The following CKAP2L variants were observed in gnomAD, a reference collection of about 807,000 sequenced individuals.
The protein encoded by CKAP2L is cytoskeleton associated protein 2L.
CKAP2L carries 42 observed loss-of-function variants against 65.7 expected under a neutral mutation model. The ratio of observed to expected loss-of-function variants is 0.64; its 90% CI spans 0.50 to 0.83. CKAP2L has a LOEUF of 0.83. Among genes scored for constraint, CKAP2L ranks in the 40% least tolerant of loss-of-function variants. The pLI, the probability that CKAP2L is intolerant of heterozygous loss-of-function variation, is 0.00. For missense variants in CKAP2L, 908 were observed against 871.0 expected (o/e 1.04, Z -0.53); for synonymous variants, 325 against 313.5 (o/e 1.04, Z -0.39).
chr2:112,753,589 A>T (rs560477118), intron 4 of CKAP2L, among the ~76,000 whole-genome samples: 4 of 132,658 alleles, frequency 3.0e-5, no homozygotes, highest in Admixed American at 2.7e-4. Context: ...GTGAAGTGGC[A>T]TGATCTCAGG....
Position 112,738,807 on chromosome 2 carries a change from A to G in CKAP2L, c.*16T>C. ...GTTGGTTCTGAAACACCTTTTTTAA[A>G]AAAAGCATCAAGAAATTATGATTCA... is the stretch of plus-strand genomic sequence containing the variant. On this transcript the variant is annotated 3_prime_UTR_variant, in exon 9 of 9. Coordinates refer to ENST00000302450, the MANE Select transcript of CKAP2L (RefSeq NM_152515.5). 6.5e-7 allele frequency: 1 copy of G among 1,540,352 alleles called. No homozygotes were observed. The highest frequency in any genetic ancestry group is 1.1e-5 in the South Asian group (1 of 88,930).
intron 3 of CKAP2L, among the ~76,000 whole-genome samples, 171 bp from the exon 4 acceptor site, chr2:112,757,385 G>GTTTTTTTTTT (rs11311328): frequency 4.6e-5 from 4 of 87,424 alleles, no homozygotes; most frequent in East Asian, 3.0e-4. Context: ...TAGTTTTTGT[G>GTTTTTTTTTT]TTTTTTTTTT....
At chr2:112,751,078 G>A (rs1244224828) in intron 5 of CKAP2L, among the ~76,000 whole-genome samples, 1 of 152,090 alleles carries the variant, frequency 6.6e-6, no homozygotes, top group East Asian at 1.9e-4. Context: ...CAAATTGAGA[G>A]GATATATACA....
chr2:112,764,189 C>G (rs1187299651), intron 1 of CKAP2L: 7 of 292,324 alleles, frequency 2.4e-5, no homozygotes, highest in Middle Eastern at 1.1e-3. Context: ...CAGAGGACCA[C>G]GCCCGGCTCT....
chr2:112,744,019 C>T (rs182454255), intron 6 of CKAP2L, among the ~76,000 whole-genome samples: 117 of 152,180 alleles, frequency 7.7e-4, no homozygotes, highest in African/African-American at 2.7e-3. Flanking sequence ...CAAAGCTTTC[C>T]GTACATTTTT....
intron 5 of CKAP2L, among the ~76,000 whole-genome samples, chr2:112,747,171 A>G (rs1363074257): frequency 6.6e-6 from 1 of 150,934 alleles, no homozygotes; most frequent in Non-Finnish European, 1.5e-5. Context: ...ACTCGCTGCA[A>G]CCTCTACCTC....
At position 112,738,609 on chromosome 2, in the gene CKAP2L, A is replaced by G. The variant is rs6756392; in HGVS notation, c.*214T>C. On this transcript the variant is annotated 3_prime_UTR_variant, in exon 9 of 9. Transcript: ENST00000302450. ...ATTCAAAAGTTTGAAATTTATGTAT[A>G]CTGTAAAACTGGCAAACTGGTCTTA... The G allele has an allele frequency of 5.2e-3, 2,921 of 562,534 alleles. 66 individuals are homozygous for G. The highest frequency in any genetic ancestry group is 0.05 in the African/African-American group (2,660 of 53,378). The allele number at this position is 562,534 out of a possible 1,614,324, so 34.8% of individuals were successfully genotyped here.
intron 8 of CKAP2L, 23 bp from the exon 9 acceptor site, chr2:112,739,071 T>C (rs745617877): frequency 1.3e-6 from 2 of 1,521,690 alleles, no homozygotes; most frequent in South Asian, 1.2e-5. Flanking sequence ...AAGAGATGCA[T>C]TAAAAACCTT....
chr2:112,749,281 A>T (rs1170011505), intron 5 of CKAP2L, among the ~76,000 whole-genome samples: 3 of 152,252 alleles, frequency 2.0e-5, no homozygotes, highest in Non-Finnish European at 4.4e-5. Context: ...GGCAAGATTA[A>T]TCAGACAAAA....
In CKAP2L at chr2:112,757,007, GAA is replaced by G; in HGVS notation, c.362_363del (p.Phe121SerfsTer4). 1 of 1,614,152 alleles carries G rather than the reference GAA, an allele frequency of 6.2e-7. No individual in the cohort carries two copies. On this transcript the variant is annotated frameshift_variant, in exon 4 of 9. Coordinates refer to ENST00000302450, the MANE Select transcript of CKAP2L (RefSeq NM_152515.5). LOFTEE classifies it high-confidence loss of function. ...GTGGACGATCCAGCTTCACACTGTT[GAA>G]AACTCTTGCTAGAAGGCTTAGAGTA... ...NPYSKPSSKS[F>X]QQCEAGSSTT...
Position 112,764,557 on chromosome 2 carries a change from C to T in CKAP2L, c.37+5G>A. On this transcript the variant is annotated splice_donor_5th_base_variant and intron_variant, in intron 1 of 8. Coordinates refer to ENST00000302450, the MANE Select transcript of CKAP2L (RefSeq NM_152515.5). ...GAGAATAACGGGAACAGCGGTCGTA[C>T]TCACCGACAGCGGCAGCAGCGGTAG... is the stretch of plus-strand genomic sequence containing the variant. 6.2e-7 allele frequency: 1 copy of T among 1,614,138 alleles called. No individual in the cohort carries two copies. Among genetic ancestry groups the T allele is most frequent in the East Asian group, 2.2e-5 (1 of 44,868 alleles).
Position 112,740,996 on chromosome 2 carries a change from C to T in CKAP2L, c.1834G>A (p.Asp612Asn). 1 of 1,608,330 alleles carries T rather than the reference C, an allele frequency of 6.2e-7. No homozygotes were observed. Residue 612 changes from aspartate (D) to asparagine (N), a missense_variant, in exon 8 of 9, where the codon GAC becomes AAC. Physicochemically the swap from Asp to Asn is conservative, Grantham distance 23. Coordinates refer to ENST00000302450, the MANE Select transcript of CKAP2L (RefSeq NM_152515.5). ...SNRTTEGITS[D>N]SLVAETSITS... ...ATACTAGTTTCAGCAACTAAAGAGT[C>T]AGAAGTAATCCCTGTGTATGTAAGA...
chr2:112,762,009 T>C (rs1680736712), intron 2 of CKAP2L, among the ~76,000 whole-genome samples: 1 of 152,190 alleles, frequency 6.6e-6, no homozygotes, highest in Admixed American at 6.5e-5. Flanking sequence ...ATGGTAAGAA[T>C]CTACAAAGGA....
intron 1 of CKAP2L, 151 bp downstream of exon 1, chr2:112,764,411 C>T (rs914841610): frequency 3.7e-6 from 3 of 817,138 alleles, no homozygotes; most frequent in South Asian, 3.1e-5. Flanking sequence ...CTGGGGGTCC[C>T]GTCTGCGCTC....
intron 3 of CKAP2L, among the ~76,000 whole-genome samples, chr2:112,758,005 T>C (rs1361542296): frequency 6.6e-6 from 1 of 152,174 alleles, no homozygotes; most frequent in African/African-American, 2.4e-5. Flanking sequence ...CTCTGTCTCA[T>C]CCCTGGAGAT....
intron 5 of CKAP2L, among the ~76,000 whole-genome samples, chr2:112,750,578 T>A (rs1216800800): frequency 6.6e-6 from 1 of 152,192 alleles, no homozygotes; most frequent in Non-Finnish European, 1.5e-5. Context: ...TTCCCTGGAG[T>A]GTCTTCCTAA....
chr2:112,756,619 C>T lies in CKAP2L; in HGVS notation c.752G>A (p.Ser251Asn). ...VNKQFVGETQ[S>N]RTFPVKSQQL... ...CTGTGATTTTACTGGGAAAGTCCTGCTTTGTGTTTCTCCAACAAATTGTTT... is the reference window on the plus strand; with the variant it reads ...CTGTGATTTTACTGGGAAAGTCCTGTTTTGTGTTTCTCCAACAAATTGTTT... The change falls in exon 4 of 9, where the codon AGC (serine) becomes AAC (asparagine). Residue 251 changes from serine (S) to asparagine (N), a missense_variant. Transcript: ENST00000302450. The T allele has an allele frequency of 6.2e-7, 1 of 1,612,086 alleles. No homozygotes were observed. The highest frequency in any genetic ancestry group is 1.1e-5 in the South Asian group (1 of 90,654).
At chr2:112,760,389 ATAG>A (rs1680682179) in intron 3 of CKAP2L, among the ~76,000 whole-genome samples, 1 of 152,208 alleles carries the variant, frequency 6.6e-6, no homozygotes, top group Admixed American at 6.5e-5. Context: ...GGGGCTACTA[ATAG>A]TAGCCTCATA....
chr2:112,743,930 A>C (rs1680114991), intron 6 of CKAP2L, among the ~76,000 whole-genome samples: 1 of 152,214 alleles, frequency 6.6e-6, no homozygotes, highest in Non-Finnish European at 1.5e-5. Context: ...TTCCCACAAG[A>C]AAATTATAGT....
Sources: allele counts gnomAD v4.1 joint callset (sites outside exome capture counted in the v4.1 genomes callset), GRCh38; gene constraint gnomAD v4.1.1; transcripts MANE v1.5; gene names NCBI Gene and HGNC (gene_info 2026-07-23, HGNC 2026-07-21).